The following SLC44A5 variants were observed in gnomAD, a reference collection of about 807,000 sequenced individuals.
The protein encoded by SLC44A5 is choline transporter-like protein 5.
SLC44A5 carries 57 observed loss-of-function variants against 101.8 expected under a neutral mutation model. That is an observed-to-expected ratio of 0.56 (90% CI 0.45 to 0.70). The LOEUF is 0.70. Ranked by LOEUF, SLC44A5 falls within the 30% of genes least tolerant of loss-of-function variation. The pLI is 0.00. For missense variants in SLC44A5, 737 were observed against 853.1 expected, an observed-to-expected ratio of 0.86 and a Z score of 1.70; for synonymous variants, 281 against 290.9, an observed-to-expected ratio of 0.97 and a Z score of 0.35.
At chr1:75,430,038 C>A (rs1297911481) in intron 2 of SLC44A5, among the ~76,000 whole-genome samples, 3 of 152,086 alleles carry the variant, frequency 2.0e-5, no homozygotes, top group Non-Finnish European at 4.4e-5. Context: ...GTCAGGTGAG[C>A]AGTTTGGAGC....
intron 1 of SLC44A5, among the ~76,000 whole-genome samples, chr1:75,550,375 T>C (rs984820752): frequency 6.6e-6 from 1 of 152,054 alleles, no homozygotes; most frequent in African/African-American, 2.4e-5. Flanking sequence ...GATTAGTGGC[T>C]TCCAGGGGCT....
intron 1 of SLC44A5, among the ~76,000 whole-genome samples, chr1:75,599,814 G>C (rs1348128429): frequency 6.6e-6 from 1 of 152,148 alleles, no homozygotes; most frequent in Non-Finnish European, 1.5e-5. Context: ...TTAAGAATTA[G>C]GGTGAATGTG....
intron 3 of SLC44A5, among the ~76,000 whole-genome samples, chr1:75,359,258 A>T (rs1337016362): frequency 1.6e-5 from 2 of 128,688 alleles, no homozygotes; most frequent in Admixed American, 8.9e-5. Flanking sequence ...TTCTTGAGAC[A>T]GGGTCTCACT....
intron 3 of SLC44A5, among the ~76,000 whole-genome samples, chr1:75,365,320 C>T (rs1456486375): frequency 6.6e-6 from 1 of 152,160 alleles, no homozygotes; most frequent in African/African-American, 2.4e-5. Flanking sequence ...CTCCTTCCTC[C>T]AACCCTCTGC....
chr1:75,675,261 A>G, the SLC44A5 span, among the ~76,000 whole-genome samples: 1 of 151,978 alleles, frequency 6.6e-6, no homozygotes, highest in African/African-American at 2.4e-5. Context: ...ATGTTTTTTC[A>G]TTTGTTGTGT....
chr1:75,613,650 C>A (rs1442891095), upstream of SLC44A5, among the ~76,000 whole-genome samples: 1 of 152,136 alleles, frequency 6.6e-6, no homozygotes, highest in Non-Finnish European at 1.5e-5. Flanking sequence ...CATGAGAAAA[C>A]CTTATTTTTA....
chr1:75,301,890 T>G (rs970885419), intron 4 of SLC44A5, among the ~76,000 whole-genome samples: 2 of 152,200 alleles, frequency 1.3e-5, no homozygotes, highest in Admixed American at 1.3e-4. Flanking sequence ...TTCTGCAAGG[T>G]TTTAAAATAG....
At chr1:75,707,745 T>C in the SLC44A5 span, among the ~76,000 whole-genome samples, 320 of 152,262 alleles carry the variant, frequency 2.1e-3, 2 homozygotes, top group African/African-American at 7.2e-3. Flanking sequence ...GGTTTCCAAA[T>C]ATATGACCTG....
chr1:75,299,229 G>A (rs1466471832), intron 5 of SLC44A5, among the ~76,000 whole-genome samples: 1 of 152,134 alleles, frequency 6.6e-6, no homozygotes, highest in Admixed American at 6.5e-5. Flanking sequence ...AATAATGAAA[G>A]AATGTTCTGA....
chr1:75,688,088 G>A, the SLC44A5 span, among the ~76,000 whole-genome samples: 34 of 152,284 alleles, frequency 2.2e-4, no homozygotes, highest in Non-Finnish European at 4.3e-4. Flanking sequence ...GCCCTGATGA[G>A]TGACAAATGG....
At chr1:75,242,806 A>C (rs1397074124) in intron 8 of SLC44A5, 80 bp downstream of exon 8, 1 of 1,452,284 alleles carries the variant, frequency 6.9e-7, no homozygotes, top group African/African-American at 1.4e-5. Context: ...GAGCTTGTTC[A>C]GTAACAAATT....
At chr1:75,692,166 G>C in the SLC44A5 span, among the ~76,000 whole-genome samples, 1 of 146,816 alleles carries the variant, frequency 6.8e-6, no homozygotes, top group Non-Finnish European at 1.5e-5. Flanking sequence ...TGTTTGCATA[G>C]ATGAGAAAAG....
In SLC44A5 at chr1:75,379,383, T is replaced by G. The variant is rs1157872636; in HGVS notation, c.52+17200A>C. Among the ~76,000 whole-genome samples the G allele has an allele frequency of 2.0e-4, 10 of 49,234 alleles. No individual in the cohort carries two copies. The South Asian group carries it at 4.3e-3, about 21-fold the overall frequency. 32.3% of individuals were successfully genotyped at this position (49,234 alleles called of 152,430 possible). On this transcript the variant is annotated intron_variant, in intron 3 of 23. Coordinates refer to ENST00000370859, the MANE Select transcript of SLC44A5 (RefSeq NM_001130058.2). ...GTTAACATAGATGCAGATCAACTAT[T>G]AGGAATAGGTCAAAATTGGAGTACT...
rs187207410 is a variant in SLC44A5 at position 75,576,779 on chromosome 1, G to T, written c.-70+34261C>A. ...GATCTCATGGTGCTTAGAAGCAGGG[G>T]CTGTGATGTCAGACTGCCCAGGCTT... On this transcript the variant is annotated intron_variant, in intron 1 of 23. Coordinates refer to ENST00000370859, the MANE Select transcript of SLC44A5 (RefSeq NM_001130058.2). Among the ~76,000 whole-genome samples, 52 of 152,314 alleles carry T rather than the reference G, an allele frequency of 3.4e-4. 1 individual carries two copies. Among genetic ancestry groups the T allele is most frequent in the African/African-American group, 1.2e-3 (49 of 41,580 alleles).
chr1:75,563,614 A>G (rs1317871017), intron 1 of SLC44A5, among the ~76,000 whole-genome samples: 1 of 152,152 alleles, frequency 6.6e-6, no homozygotes, highest in Non-Finnish European at 1.5e-5. Context: ...TAAACAAATA[A>G]TTTAGAACAT....
intron 23 of SLC44A5, 71 bp downstream of exon 23, chr1:75,211,397 G>A: frequency 8.2e-7 from 1 of 1,218,764 alleles, no homozygotes; most frequent in South Asian, 1.3e-5. Flanking sequence ...GCCAGCTAAG[G>A]ACATGGGCCT....
intron 3 of SLC44A5, among the ~76,000 whole-genome samples, chr1:75,388,814 T>C (rs1419520812): frequency 6.6e-6 from 1 of 150,490 alleles, no homozygotes; most frequent in Admixed American, 6.6e-5. Flanking sequence ...CACATATCAA[T>C]ATTAACCTTG....
chr1:75,550,810 G>A (rs1460603178), intron 1 of SLC44A5, among the ~76,000 whole-genome samples: 2 of 152,064 alleles, frequency 1.3e-5, no homozygotes, highest in Non-Finnish European at 2.9e-5. Flanking sequence ...AGAAGAACAT[G>A]TTTCAAGAGG....
At chr1:75,717,672 G>C in the SLC44A5 span, among the ~76,000 whole-genome samples, 18 of 152,258 alleles carry the variant, frequency 1.2e-4, no homozygotes, top group African/African-American at 4.3e-4. Context: ...GAAACTTAGA[G>C]AAAAATTAGA....
Sources: allele counts gnomAD v4.1 joint callset (sites outside exome capture counted in the v4.1 genomes callset), GRCh38; gene constraint gnomAD v4.1.1; transcripts MANE v1.5; gene names NCBI Gene and HGNC (gene_info 2026-07-23, HGNC 2026-07-21).